The following FABP6 variants were observed in gnomAD, a reference collection of about 807,000 sequenced individuals.
The protein encoded by FABP6 is fatty acid binding protein 6.
Under a neutral mutation model 14.9 loss-of-function variants are expected in FABP6, and 13 were observed. The ratio of observed to expected loss-of-function variants is 0.87; its 90% CI spans 0.57 to 1.39. The LOEUF (loss-of-function observed/expected upper bound fraction) is 1.39. FABP6 is among the 40% of genes most tolerant of loss of function. The pLI, the probability that FABP6 is intolerant of heterozygous loss-of-function variation, is 0.00. For missense variants in FABP6, 161 were observed against 167.2 expected (o/e 0.96, Z 0.20); for synonymous variants, 75 against 63.6 (o/e 1.18, Z -0.85).
intron 1 of FABP6, among the ~76,000 whole-genome samples, chr5:160,194,065 G>A (rs574932450): frequency 1.3e-5 from 2 of 152,360 alleles, no homozygotes; most frequent in Admixed American, 1.3e-4. Context: ...AAGGCCCGGC[G>A]AGAAATCAAG....
chr5:160,232,343 T>G (rs995767992), intron 2 of FABP6, 70 bp downstream of exon 2: 12 of 1,433,624 alleles, frequency 8.4e-6, no homozygotes, highest in African/African-American at 2.9e-5. Context: ...AAACATGGCC[T>G]CCCCGCTCCC....
intron 2 of FABP6, among the ~76,000 whole-genome samples, chr5:160,200,958 A>G (rs1416699392): frequency 1.3e-5 from 2 of 152,166 alleles, no homozygotes; most frequent in Non-Finnish European, 2.9e-5. Flanking sequence ...CAGTTGTTCT[A>G]CTTCAGGGGA....
chr5:160,192,689 G>C (rs962923292), intron 1 of FABP6, among the ~76,000 whole-genome samples: 1 of 152,230 alleles, frequency 6.6e-6, no homozygotes, highest in Non-Finnish European at 1.5e-5. Flanking sequence ...GAACTCACTG[G>C]CCCACTGGGC....
intron 1 of FABP6, chr5:160,197,376 G>A (rs1297548272): frequency 6.6e-6 from 1 of 152,236 alleles, no homozygotes; most frequent in African/African-American, 2.4e-5. Flanking sequence ...AGAGAGACCA[G>A]TTAAACCACA....
chr5:160,213,828 TAGA>T (rs1400233755), intron 3 of FABP6: 28 of 1,610,986 alleles, frequency 1.7e-5, no homozygotes, highest in Non-Finnish European at 2.3e-5. Context: ...AGGTATGGGG[TAGA>T]AGAAGGGAGG....
At chr5:160,235,421 T>C (rs956123662) in intron 3 of FABP6, among the ~76,000 whole-genome samples, 1 of 152,186 alleles carries the variant, frequency 6.6e-6, no homozygotes, top group Admixed American at 6.5e-5. Context: ...TATTGGCAAC[T>C]AATTAAAAAA....
chr5:160,210,544 G>A (rs758680658), intron 2 of FABP6, among the ~76,000 whole-genome samples: 3 of 152,116 alleles, frequency 2.0e-5, no homozygotes, highest in Non-Finnish European at 2.9e-5. Flanking sequence ...CAGAACACAG[G>A]GGCAGCCTGC....
chr5:160,203,070 T>G (rs1170378652), intron 2 of FABP6, among the ~76,000 whole-genome samples: 1 of 151,800 alleles, frequency 6.6e-6, no homozygotes, highest in Non-Finnish European at 1.5e-5. Flanking sequence ...TCCGGCTAGT[T>G]TTTATATTAT....
chr5:160,220,638 CTTAT>C (rs1760109706), intron 3 of FABP6, among the ~76,000 whole-genome samples: 1 of 151,714 alleles, frequency 6.6e-6, no homozygotes, highest in Non-Finnish European at 1.5e-5. Flanking sequence ...AAGGCTTTGC[CTTAT>C]TTGTTAATTC....
chr5:160,205,735 C>T (rs1759748528), intron 2 of FABP6, among the ~76,000 whole-genome samples: 1 of 152,172 alleles, frequency 6.6e-6, no homozygotes, highest in Admixed American at 6.6e-5. Flanking sequence ...ATTTACCTGT[C>T]ATTGGATTCT....
chr5:160,192,303 A>G (rs997212448), intron 1 of FABP6, among the ~76,000 whole-genome samples: 2 of 149,616 alleles, frequency 1.3e-5, no homozygotes, highest in Non-Finnish European at 3.0e-5. Flanking sequence ...CTGATACTAC[A>G]GGCTCATACC....
intron 2 of FABP6, among the ~76,000 whole-genome samples, chr5:160,211,442 C>T (rs1445625743): frequency 6.6e-6 from 1 of 152,180 alleles, no homozygotes; most frequent in African/African-American, 2.4e-5. Flanking sequence ...GCATCCAACC[C>T]TCCCATTGCC....
intron 1 of FABP6, 133 bp downstream of exon 1, chr5:160,229,757 A>G: frequency 1.4e-6 from 1 of 712,272 alleles, no homozygotes; most frequent in Non-Finnish European, 2.3e-6. Flanking sequence ...TCATTCACAC[A>G]TTTGTTGAGC....
rs1012814345 is a variant in FABP6, at chr5:160,223,134, G to A, written c.136-6412G>A. Among the ~76,000 whole-genome samples, 4 of 152,196 alleles carry A rather than the reference G, an allele frequency of 2.6e-5. No homozygotes were observed. The South Asian group carries it at 8.3e-4, about 32-fold the overall frequency. On this transcript the variant is annotated intron_variant, in intron 3 of 6. Coordinates refer to the FABP6 transcript ENST00000393980. ...TGTGTTTTTCACACATCAAATGTTT[G>A]TGGCAACCCCATGTGGAACAAATCT...
intron 3 of FABP6, among the ~76,000 whole-genome samples, chr5:160,220,836 C>T (rs1760114104): frequency 6.6e-6 from 1 of 151,952 alleles, no homozygotes; most frequent in East Asian, 1.9e-4. Context: ...GCCTGTAATC[C>T]CAGCAGTTTG....
chr5:160,210,158 AT>A (rs1171236234), intron 2 of FABP6, among the ~76,000 whole-genome samples: 43 of 152,242 alleles, frequency 2.8e-4, no homozygotes, highest in Admixed American at 2.8e-3. Context: ...TCACATATGC[AT>A]GAAAAACACA....
intron 2 of FABP6, among the ~76,000 whole-genome samples, chr5:160,200,460 T>C (rs1171128693): frequency 6.6e-6 from 1 of 150,846 alleles, no homozygotes; most frequent in Non-Finnish European, 1.5e-5. Context: ...TTGCCCAGGC[T>C]GGAGTGCAAT....
At chr5:160,196,997 G>A (rs1759523623) in intron 1 of FABP6, 1 of 152,244 alleles carries the variant, frequency 6.6e-6, no homozygotes, top group Non-Finnish European at 1.5e-5. Context: ...TGTCTGCTAA[G>A]CAACACATGT....
At chr5:160,228,962 C>T (rs2113135514), upstream of FABP6, among the ~76,000 whole-genome samples, 1 of 152,332 alleles carries the variant, frequency 6.6e-6, no homozygotes, top group East Asian at 1.9e-4. Flanking sequence ...CCTCCCCAAA[C>T]ATGCACTAGC....
Sources: gnomAD v4.1 joint callset for allele counts (sites outside exome capture counted in the v4.1 genomes callset) on GRCh38, gnomAD v4.1.1 for gene constraint, MANE v1.5 for transcripts, NCBI Gene and HGNC (gene_info 2026-07-23, HGNC 2026-07-21) for gene names.